LDLRAD4: variants seen among roughly 807,000 people sequenced by gnomAD.
LDLRAD4 encodes low-density lipoprotein receptor class A domain-containing protein 4.
A neutral mutation model predicts 17.0 loss-of-function variants in LDLRAD4; 5 were observed. That is an observed-to-expected ratio of 0.29 (90% CI 0.15 to 0.62). The LOEUF (loss-of-function observed/expected upper bound fraction) is 0.62. LDLRAD4 is among the 20% of genes least tolerant of loss of function. The pLI is 0.84. For missense variants in LDLRAD4, 340 were observed against 424.7 expected (o/e 0.80, Z 1.75); for synonymous variants, 168 against 171.8 (o/e 0.98, Z 0.17).
chr18:13,225,034 T>G (rs556291738), intron 1 of LDLRAD4, among the ~76,000 whole-genome samples: 1 of 151,302 alleles, frequency 6.6e-6, no homozygotes, highest in Non-Finnish European at 1.5e-5. Context: ...CGGGGTTTCG[T>G]CATGTTGGCC....
chr18:13,394,218 C>T (rs866129068), intron 2 of LDLRAD4, among the ~76,000 whole-genome samples: 31 of 152,304 alleles, frequency 2.0e-4, no homozygotes, highest in Middle Eastern at 6.8e-3. Flanking sequence ...GTGTAAATAA[C>T]ATATAATTTA....
Position 13,448,074 on chromosome 18 carries a change from A to G in LDLRAD4, c.181+9690A>G, listed in dbSNP as rs141529120. 2.1e-4 allele frequency among the ~76,000 whole-genome samples: 32 copies of G among 152,338 alleles called. No individual in the cohort carries two copies. The East Asian group carries it at 5.6e-3, about 27-fold the overall frequency. On this transcript the variant is annotated intron_variant, in intron 3 of 5. Transcript: ENST00000359446. ...AGTGCAAACTTGACAATTATTAGGC[A>G]TTAGGGAGAGCGTGAAAGGACAGTT...
At chr18:13,473,603 C>T (rs2092836480) in intron 3 of LDLRAD4, among the ~76,000 whole-genome samples, 1 of 135,884 alleles carries the variant, frequency 7.4e-6, no homozygotes, top group African/African-American at 2.7e-5. Flanking sequence ...TGTCACTACA[C>T]TCCAGTCTGG....
chr18:13,235,055 G>T (rs2042267411), intron 1 of LDLRAD4: 1 of 152,166 alleles, frequency 6.6e-6, no homozygotes, highest in South Asian at 2.1e-4. Flanking sequence ...TTCGAGACCA[G>T]CCTGACCAAC....
chr18:13,432,905 T>C (rs1369437913), intron 2 of LDLRAD4, among the ~76,000 whole-genome samples: 1 of 152,166 alleles, frequency 6.6e-6, no homozygotes, highest in Admixed American at 6.5e-5. Flanking sequence ...TTTGTAGAGA[T>C]GGGGTCTCAC....
chr18:13,643,343 C>A lies in LDLRAD4; in HGVS notation c.337-16C>A. On this transcript the variant is annotated splice_polypyrimidine_tract_variant and intron_variant, in intron 4 of 5. Transcript: ENST00000359446. ...TTTCTTGTTCCCCCCACTCTCCTCC[C>A]CTTCCCCTCCGCCAGGAAGGGTGCC... 1 of 1,470,270 alleles carries A rather than the reference C, an allele frequency of 6.8e-7. No individual in the cohort carries two copies. The highest frequency in any genetic ancestry group is 9.1e-7 in the Non-Finnish European group (1 of 1,103,200). 91.1% of individuals were successfully genotyped at this position (1,470,270 alleles called of 1,614,324 possible).
chr18:13,325,549 T>TC (rs2081476803), intron 1 of LDLRAD4, among the ~76,000 whole-genome samples: 2 of 152,218 alleles, frequency 1.3e-5, no homozygotes, highest in South Asian at 4.2e-4. Context: ...TTGGGGCCAC[T>TC]CCCTCTCCTT....
chr18:13,402,053 T>C (rs1175812801), intron 2 of LDLRAD4, among the ~76,000 whole-genome samples: 4 of 152,254 alleles, frequency 2.6e-5, no homozygotes, highest in Admixed American at 2.0e-4. Context: ...TGCCATACTT[T>C]GTCTCTTCTC....
At chr18:13,602,464 C>A (rs1487415559) in intron 3 of LDLRAD4, among the ~76,000 whole-genome samples, 1 of 149,868 alleles carries the variant, frequency 6.7e-6, no homozygotes, top group Non-Finnish European at 1.5e-5. Context: ...GGAATTTTAT[C>A]AGACATCATT....
At position 13,645,114 on chromosome 18, in the gene LDLRAD4, C is replaced by A; in HGVS notation, c.391-13C>A. On this transcript the variant is annotated splice_polypyrimidine_tract_variant and intron_variant, in intron 5 of 5. Transcript: ENST00000359446. The surrounding 1 kb of genome is among the most constrained non-coding windows in gnomAD (Gnocchi z 5.7). ...CTCAAACTGTCTTCAAGCCTCTCCT[C>A]TTTTCCTTCCAGATCATGCATGCCC... The A allele has an allele frequency of 6.3e-7, 1 of 1,594,506 alleles. No individual in the cohort carries two copies. The highest frequency in any genetic ancestry group is 2.2e-5 in the East Asian group (1 of 44,620).
chr18:13,467,823 A>G (rs948798392), intron 3 of LDLRAD4, among the ~76,000 whole-genome samples: 1 of 152,366 alleles, frequency 6.6e-6, no homozygotes, highest in Non-Finnish European at 1.5e-5. Context: ...GAGTCCGGAC[A>G]TCCACACAGC....
chr18:13,251,443 G>A (rs2043217446), intron 1 of LDLRAD4, among the ~76,000 whole-genome samples: 1 of 152,184 alleles, frequency 6.6e-6, no homozygotes, highest in African/African-American at 2.4e-5. Context: ...ATCCCTGTTT[G>A]CAAATGACAT....
intron 4 of LDLRAD4, among the ~76,000 whole-genome samples, chr18:13,628,486 C>T (rs775060967): frequency 2.4e-4 from 36 of 152,240 alleles, no homozygotes; most frequent in Non-Finnish European, 5.9e-5. Context: ...GGGTTGGCCG[C>T]AGCATGTCTG....
chr18:13,375,901 T>C (rs2084871308), intron 1 of LDLRAD4, among the ~76,000 whole-genome samples: 1 of 152,196 alleles, frequency 6.6e-6, no homozygotes, highest in Non-Finnish European at 1.5e-5. Flanking sequence ...GTGTATTTGT[T>C]AATTATCTAG....
intron 3 of LDLRAD4, among the ~76,000 whole-genome samples, chr18:13,599,000 C>T (rs1008231073): frequency 2.0e-5 from 3 of 152,166 alleles, no homozygotes; most frequent in Non-Finnish European, 2.9e-5. Context: ...TGCCATTCCT[C>T]GGATAGATCT....
chr18:13,501,569 T>C lies in LDLRAD4; in HGVS notation c.181+63185T>C, dbSNP rs1400915759. On this transcript the variant is annotated intron_variant, in intron 3 of 5. Coordinates refer to ENST00000359446, the Ensembl canonical transcript of LDLRAD4. ...TCCTCCGGAGGTTGGCATTGTGTAT[T>C]TTCAAATTGTGTTGCTTTTTTTTTT... 2.3e-5 allele frequency among the ~76,000 whole-genome samples: 3 copies of C among 127,910 alleles called. No individual in the cohort carries two copies. In the East Asian group the frequency reaches 6.6e-4, roughly 28 times the overall value. 83.9% of individuals were successfully genotyped at this position (127,910 alleles called of 152,430 possible).
At chr18:13,249,574 T>G (rs957715758) in intron 1 of LDLRAD4, among the ~76,000 whole-genome samples, 4 of 152,170 alleles carry the variant, frequency 2.6e-5, no homozygotes, top group African/African-American at 9.7e-5. Context: ...GCACTCAAAT[T>G]TTCTCATTTT....
intron 3 of LDLRAD4, among the ~76,000 whole-genome samples, chr18:13,610,932 G>A (rs183326930): frequency 2.0e-5 from 3 of 152,266 alleles, no homozygotes; most frequent in South Asian, 2.1e-4. Flanking sequence ...CATACCATCC[G>A]GATTTCCCTC....
At chr18:13,476,836 C>G (rs1362854309) in intron 3 of LDLRAD4, among the ~76,000 whole-genome samples, 2 of 151,970 alleles carry the variant, frequency 1.3e-5, no homozygotes, top group Non-Finnish European at 2.9e-5. Flanking sequence ...CTGTTCCTGC[C>G]CCTAGATGTG....
Sources: allele counts gnomAD v4.1 joint callset (sites outside exome capture counted in the v4.1 genomes callset), GRCh38; gene constraint gnomAD v4.1.1; non-coding constraint Gnocchi (gnomAD v3.1); transcripts MANE v1.5; gene names NCBI Gene and HGNC (gene_info 2026-07-23, HGNC 2026-07-21).